LHFPL6: variants seen among roughly 807,000 people sequenced by gnomAD.
The protein encoded by LHFPL6 is LHFPL tetraspan subfamily member 6 protein.
In LHFPL6, 9 loss-of-function variants were observed where a neutral mutation model predicts 20.6. The observed-to-expected ratio is 0.44, with a 90% CI of 0.26 to 0.76. The LOEUF (loss-of-function observed/expected upper bound fraction) is 0.76, where lower values mean the gene tolerates loss of function less well. LHFPL6 is among the 30% of genes least tolerant of loss of function. The pLI is 0.20. For missense variants in LHFPL6, 218 were observed against 253.5 expected (o/e 0.86, Z 0.95); for synonymous variants, 105 against 98.7 (o/e 1.06, Z -0.38).
At chr13:39,465,891 T>C (rs887596536) in intron 2 of LHFPL6, among the ~76,000 whole-genome samples, 1 of 151,986 alleles carries the variant, frequency 6.6e-6, no homozygotes, top group Admixed American at 6.6e-5. Flanking sequence ...GCAAGGTGTA[T>C]GTCTGGAAGA....
intron 2 of LHFPL6, among the ~76,000 whole-genome samples, chr13:39,588,209 T>C (rs1872509057): frequency 6.6e-6 from 1 of 152,206 alleles, no homozygotes. Flanking sequence ...CATGAGTCCT[T>C]GGACTGTAAT....
chr13:39,357,720 C>A (rs1053585899), intron 3 of LHFPL6, among the ~76,000 whole-genome samples: 6 of 151,900 alleles, frequency 3.9e-5, no homozygotes, highest in Non-Finnish European at 8.8e-5. Flanking sequence ...AAGTTGAGAG[C>A]CAAATCAAGA....
chr13:39,440,381 C>A (rs1872084473), intron 2 of LHFPL6, among the ~76,000 whole-genome samples: 1 of 152,148 alleles, frequency 6.6e-6, no homozygotes, highest in African/African-American at 2.4e-5. Flanking sequence ...GTAATTTAAG[C>A]CCTCTGGGAG....
chr13:39,393,884 C>A (rs576093836), intron 2 of LHFPL6, among the ~76,000 whole-genome samples: 14 of 152,170 alleles, frequency 9.2e-5, no homozygotes, highest in Admixed American at 8.5e-4. Context: ...TATCCTCACA[C>A]GGTCTTTCCT....
intron 3 of LHFPL6, among the ~76,000 whole-genome samples, chr13:39,346,879 GC>G (rs1418773624): frequency 3.3e-5 from 5 of 151,646 alleles, no homozygotes; most frequent in Non-Finnish European, 7.4e-5. Context: ...ACAAAAATTA[GC>G]CGGGCAAATT....
chr13:39,402,989 G>A (rs1464012677), intron 2 of LHFPL6, among the ~76,000 whole-genome samples: 1 of 152,200 alleles, frequency 6.6e-6, no homozygotes, highest in Non-Finnish European at 1.5e-5. Flanking sequence ...GATCAAAGAT[G>A]GAACCTAATT....
At chr13:39,386,857 G>A (rs868274499) in intron 2 of LHFPL6, among the ~76,000 whole-genome samples, 2 of 152,284 alleles carry the variant, frequency 1.3e-5, no homozygotes, top group African/African-American at 2.4e-5. Flanking sequence ...TATATTTTGA[G>A]CTTTTTCATC....
At chr13:39,370,316 C>A (rs540928506) in intron 3 of LHFPL6, among the ~76,000 whole-genome samples, 1 of 152,216 alleles carries the variant, frequency 6.6e-6, no homozygotes, top group Non-Finnish European at 1.5e-5. Context: ...GCTTGGCTTT[C>A]CTGTGATTCT....
chr13:39,407,058 C>A (rs1265375792), intron 2 of LHFPL6, among the ~76,000 whole-genome samples: 1 of 152,316 alleles, frequency 6.6e-6, no homozygotes, highest in East Asian at 1.9e-4. Flanking sequence ...AAAGCCGTAT[C>A]TTTGTTTAAT....
chr13:39,377,304 T>C (rs1014681645), intron 3 of LHFPL6, among the ~76,000 whole-genome samples: 4 of 152,240 alleles, frequency 2.6e-5, no homozygotes, highest in African/African-American at 4.8e-5. Context: ...TAAACGAATT[T>C]GTATGCTTTT....
At chr13:39,453,573 G>A (rs2138422931) in intron 2 of LHFPL6, among the ~76,000 whole-genome samples, 1 of 152,264 alleles carries the variant, frequency 6.6e-6, no homozygotes, top group South Asian at 2.1e-4. Context: ...CATTGGCAAG[G>A]CAAGTATTAG....
chr13:39,539,938 T>A (rs1870743920), intron 2 of LHFPL6, among the ~76,000 whole-genome samples: 1 of 152,222 alleles, frequency 6.6e-6, no homozygotes, highest in African/African-American at 2.4e-5. Flanking sequence ...TTATAGAATA[T>A]GGCATATCAT....
At chr13:39,351,233 T>C (rs1321078382) in intron 3 of LHFPL6, among the ~76,000 whole-genome samples, 1 of 152,226 alleles carries the variant, frequency 6.6e-6, no homozygotes, top group African/African-American at 2.4e-5. Context: ...CTGTCATATA[T>C]AGACAGCAAG....
intron 2 of LHFPL6, among the ~76,000 whole-genome samples, chr13:39,401,054 T>C (rs574213532): frequency 3.3e-5 from 5 of 152,290 alleles, no homozygotes; most frequent in Middle Eastern, 3.4e-3. Flanking sequence ...TATTCCTTTA[T>C]AGAGCTTATG....
intron 2 of LHFPL6, among the ~76,000 whole-genome samples, chr13:39,525,413 C>T (rs575375360): frequency 2.0e-5 from 3 of 152,104 alleles, no homozygotes; most frequent in South Asian, 4.2e-4. Flanking sequence ...TATCTTTTGT[C>T]GTAATATCGT....
rs141789007 is a variant in LHFPL6 at position 39,484,571 on chromosome 13, T to A, written c.386-106045A>T. On this transcript the variant is annotated intron_variant, in intron 2 of 3. Coordinates refer to ENST00000379589, the MANE Select transcript of LHFPL6 (RefSeq NM_005780.3). ...CTCCCTTTCTTTTTATCTACCCTCC[T>A]TTATGTACAGGAATAATTTATTTTC... is the stretch of plus-strand genomic sequence containing the variant. Among the ~76,000 whole-genome samples, 161 of 152,288 alleles carry A rather than the reference T, an allele frequency of 1.1e-3. 1 individual carries two copies. The highest frequency in any genetic ancestry group is 1.0e-3 in the Non-Finnish European group (69 of 68,028).
chr13:39,516,548 C>T (rs1869925334), intron 2 of LHFPL6, among the ~76,000 whole-genome samples: 2 of 152,174 alleles, frequency 1.3e-5, no homozygotes, highest in Admixed American at 6.5e-5. Context: ...GTGGAGAACC[C>T]TTAAACACAG....
chr13:39,398,109 T>C (rs629011), intron 2 of LHFPL6, among the ~76,000 whole-genome samples: 128,458 of 152,202 alleles, frequency 0.84, 54,504 homozygotes, highest in African/African-American at 0.92. Context: ...GAGGACTGCA[T>C]GGCTGGGACA....
At chr13:39,515,456 G>T (rs1356920564) in intron 2 of LHFPL6, among the ~76,000 whole-genome samples, 1 of 152,222 alleles carries the variant, frequency 6.6e-6, no homozygotes. Context: ...GACATAAAGT[G>T]TGCCTGGGCT....
Sources: gnomAD v4.1 joint callset for allele counts (sites outside exome capture counted in the v4.1 genomes callset) on GRCh38, gnomAD v4.1.1 for gene constraint, MANE v1.5 for transcripts, NCBI Gene and HGNC (gene_info 2026-07-23, HGNC 2026-07-21) for gene names.